GAB1: variants seen among roughly 807,000 people sequenced by gnomAD.
GAB1 encodes GRB2-associated-binding protein 1.
In GAB1, 19 loss-of-function variants were observed where a neutral mutation model predicts 66.5. That is an observed-to-expected ratio of 0.29 (90% confidence interval 0.20 to 0.42). GAB1 has a LOEUF of 0.42. Among genes scored for constraint, GAB1 ranks in the 10% least tolerant of loss-of-function variants. The pLI is 1.00. For missense variants in GAB1, 732 were observed against 858.5 expected (o/e 0.85, Z 1.84); for synonymous variants, 294 against 301.4 (o/e 0.98, Z 0.25).
intron 1 of GAB1, among the ~76,000 whole-genome samples, chr4:143,351,417 CG>C (rs1427523899): frequency 1.3e-5 from 2 of 152,186 alleles, no homozygotes; most frequent in African/African-American, 4.8e-5. Flanking sequence ...AGCTTGCCTG[CG>C]GGTGCTCTTC....
rs116931178 is a variant in GAB1 at position 143,381,318 on chromosome 4, A to G, written c.73-34159A>G. ...CAAGTTAGCTTTTGCCCTTGCCTTCAAATCCAGGGAACACATGGCAGCAAC... is the reference window on the plus strand; with the variant it reads ...CAAGTTAGCTTTTGCCCTTGCCTTCGAATCCAGGGAACACATGGCAGCAAC... On this transcript the variant is annotated intron_variant, in intron 1 of 9. Coordinates refer to ENST00000262994, the MANE Select transcript of GAB1 (RefSeq NM_002039.4). Among the ~76,000 whole-genome samples the G allele has an allele frequency of 1.2e-4, 18 of 152,298 alleles. No homozygotes were observed. In the East Asian group the frequency reaches 3.5e-3, roughly 29 times the overall value.
At chr4:143,388,686 A>C (rs1315801499) in intron 1 of GAB1, among the ~76,000 whole-genome samples, 1 of 152,170 alleles carries the variant, frequency 6.6e-6, no homozygotes, top group Non-Finnish European at 1.5e-5. Flanking sequence ...AAGTTCTGGG[A>C]TTATAGGCAT....
chr4:143,395,425 G>A (rs1731397627), intron 1 of GAB1: 1 of 157,070 alleles, frequency 6.4e-6, no homozygotes, highest in South Asian at 1.8e-4. Flanking sequence ...GCCAGTTGAT[G>A]GCATTTTTTA....
rs1419135548 is a variant in GAB1, at chr4:143,365,123, C to T, written c.72+27863C>T. Among the ~76,000 whole-genome samples the T allele has an allele frequency of 8.6e-5, 13 of 151,834 alleles. 1 individual carries two copies. In the South Asian group the frequency reaches 1.0e-3, roughly 12 times the overall value. Reference sequence around the variant, plus strand: ...CGATCTCCTGACCTTGTGATCCGCCCGCCTCTGCCTCCCAAAGTGCTGAGA... The same window carrying T: ...CGATCTCCTGACCTTGTGATCCGCCTGCCTCTGCCTCCCAAAGTGCTGAGA... On this transcript the variant is annotated intron_variant, in intron 1 of 9. Transcript: ENST00000262994.
chr4:143,395,835 TGAG>T (rs1476421897), intron 1 of GAB1: 3 of 453,406 alleles, frequency 6.6e-6, no homozygotes, highest in African/African-American at 6.0e-5. Context: ...GGTAACAAAA[TGAG>T]GAGTAAGTGA....
intron 1 of GAB1, among the ~76,000 whole-genome samples, chr4:143,392,712 A>T (rs1158130883): frequency 6.6e-6 from 1 of 152,172 alleles, no homozygotes; most frequent in Admixed American, 6.5e-5. Flanking sequence ...TATTTTGATA[A>T]TGCAACAACG....
chr4:143,459,964 A>G (rs1735397910), intron 7 of GAB1, among the ~76,000 whole-genome samples: 1 of 152,140 alleles, frequency 6.6e-6, no homozygotes, highest in Non-Finnish European at 1.5e-5. Context: ...TTAAATGTAT[A>G]TAGGGAATTG....
At chr4:143,456,087 A>G (rs1325183175) in intron 6 of GAB1, among the ~76,000 whole-genome samples, 1 of 152,196 alleles carries the variant, frequency 6.6e-6, no homozygotes, top group Non-Finnish European at 1.5e-5. Flanking sequence ...AAATAATCAT[A>G]TTATTTTAAT....
intron 1 of GAB1, among the ~76,000 whole-genome samples, chr4:143,367,150 T>C (rs1729915441): frequency 6.6e-6 from 1 of 152,198 alleles, no homozygotes; most frequent in Non-Finnish European, 1.5e-5. Context: ...GGCTGGAATG[T>C]AGGGTAAATT....
At chr4:143,387,138 T>C (rs1359820633) in intron 1 of GAB1, among the ~76,000 whole-genome samples, 1 of 152,126 alleles carries the variant, frequency 6.6e-6, no homozygotes, top group Non-Finnish European at 1.5e-5. Flanking sequence ...TTGTTGTTTG[T>C]TTGTTTGTTT....
intron 1 of GAB1, chr4:143,395,305 A>G (rs553774592): frequency 1.2e-4 from 19 of 152,628 alleles, no homozygotes; most frequent in African/African-American, 4.6e-4. Flanking sequence ...AGAACAGTGG[A>G]ACATGTTCAA....
chr4:143,404,109 A>T (rs1731918974), intron 1 of GAB1, among the ~76,000 whole-genome samples: 1 of 152,264 alleles, frequency 6.6e-6, no homozygotes, highest in Non-Finnish European at 1.5e-5. Context: ...AGAAACTAAG[A>T]AAAGAAAATG....
At chr4:143,427,201 C>T in intron 2 of GAB1, among the ~76,000 whole-genome samples, 1 of 152,164 alleles carries the variant, frequency 6.6e-6, no homozygotes, top group South Asian at 2.1e-4. Flanking sequence ...CTATCACTCC[C>T]CACTCTAAAG....
At chr4:143,349,749 G>A (rs955980762) in intron 1 of GAB1, 17 of 1,588,614 alleles carry the variant, frequency 1.1e-5, no homozygotes, top group African/African-American at 5.4e-5. Context: ...CCAGACCGAC[G>A]TGGCCATTGT....
chr4:143,428,592 C>T (rs1029700958), intron 2 of GAB1, among the ~76,000 whole-genome samples: 3 of 152,126 alleles, frequency 2.0e-5, no homozygotes, highest in African/African-American at 7.2e-5. Context: ...TATCCATCCC[C>T]TTAGCTTCTT....
chr4:143,428,300 G>A (rs1733471014), intron 2 of GAB1, among the ~76,000 whole-genome samples: 2 of 152,154 alleles, frequency 1.3e-5, no homozygotes, highest in Admixed American at 1.3e-4. Flanking sequence ...GTCTTGGGGG[G>A]TTGTATGGAC....
At chr4:143,343,482 G>C (rs1283895946) in intron 1 of GAB1, 1 of 154,810 alleles carries the variant, frequency 6.5e-6, no homozygotes, top group African/African-American at 2.4e-5. Context: ...GAGCTCAACA[G>C]ATGCCTGTTG....
chr4:143,356,150 A>G (rs530945173), intron 1 of GAB1, among the ~76,000 whole-genome samples: 1 of 152,150 alleles, frequency 6.6e-6, no homozygotes, highest in Non-Finnish European at 1.5e-5. Context: ...AAATATTCAA[A>G]TTTTGAGAAT....
At chr4:143,359,727 T>G (rs1463355403) in intron 1 of GAB1, among the ~76,000 whole-genome samples, 1 of 152,230 alleles carries the variant, frequency 6.6e-6, no homozygotes, top group East Asian at 1.9e-4. Context: ...TCAAAGTCTT[T>G]CCTAGAGTAC....
Sources: gnomAD v4.1 joint callset for allele counts (sites outside exome capture counted in the v4.1 genomes callset) on GRCh38, gnomAD v4.1.1 for gene constraint, MANE v1.5 for transcripts, NCBI Gene and HGNC (gene_info 2026-07-23, HGNC 2026-07-21) for gene names.